TENM3: variants seen among roughly 807,000 people sequenced by gnomAD.
TENM3 encodes the protein teneurin-3.
Under a neutral mutation model 255.1 loss-of-function variants are expected in TENM3, and 63 were observed. The ratio of observed to expected loss-of-function variants is 0.25; its 90% CI spans 0.20 to 0.30. TENM3 has a LOEUF of 0.30. Among genes scored for constraint, TENM3 ranks in the 10% least tolerant of loss-of-function variants. The pLI is 1.00. For synonymous variants in TENM3, 1,306 were observed against 1,322.3 expected, an observed-to-expected ratio of 0.99 and a Z score of 0.27; for missense variants, 2,929 against 3,461.1, an observed-to-expected ratio of 0.85 and a Z score of 3.86.
the TENM3 span, among the ~76,000 whole-genome samples, chr4:181,594,279 G>A: frequency 1.3e-5 from 2 of 151,974 alleles, no homozygotes; most frequent in Non-Finnish European, 2.9e-5. Flanking sequence ...TTGCTAATTA[G>A]CTTTTTATTT....
At position 182,802,534 on chromosome 4, in the gene TENM3, TGACAG is replaced by T; in HGVS notation, c.*2184_*2188del. ...ATTACCATGAAAAGCTTGTGCCACA[TGACAG>T]AAGTGAGATCATAGTCTTAACCTCT... On this transcript the variant is annotated 3_prime_UTR_variant, in exon 28 of 28. Transcript: ENST00000511685. 6.5e-6 allele frequency: 1 copy of T among 152,800 alleles called. No individual in the cohort carries two copies. Among genetic ancestry groups the T allele is most frequent in the East Asian group, 1.9e-4 (1 of 5,196 alleles). 9.5% of individuals were successfully genotyped at this position (152,800 alleles called of 1,614,324 possible). A position where few individuals can be genotyped will look rare whatever the true frequency, so the allele number is the denominator to read the frequency against.
intron 3 of TENM3, among the ~76,000 whole-genome samples, chr4:182,565,419 A>G (rs1374915433): frequency 6.6e-6 from 1 of 152,202 alleles, no homozygotes; most frequent in African/African-American, 2.4e-5. Flanking sequence ...TTTATTGTCA[A>G]GTTTCTTATA....
chr4:182,590,555 A>AAAG (rs1171959961), intron 3 of TENM3, among the ~76,000 whole-genome samples: 4 of 149,216 alleles, frequency 2.7e-5, no homozygotes, highest in African/African-American at 9.7e-5. Flanking sequence ...AAAAAAAAAA[A>AAAG]AAAAAAGAAA....
the TENM3 span, among the ~76,000 whole-genome samples, chr4:181,620,778 TTAAAAA>T: frequency 6.6e-6 from 1 of 152,110 alleles, no homozygotes; most frequent in Non-Finnish European, 1.5e-5. Flanking sequence ...ATTGCAGGAA[TTAAAAA>T]TAAGGAATGT....
intron 1 of TENM3, among the ~76,000 whole-genome samples, chr4:182,159,450 GTGT>G: frequency 1.0e-3 from 1 of 1,000 alleles, no homozygotes. Context: ...GTGTATGAGT[GTGT>G]GTGTGTGTGT....
chr4:181,824,005 A>T, the TENM3 span, among the ~76,000 whole-genome samples: 1 of 152,148 alleles, frequency 6.6e-6, no homozygotes, highest in Non-Finnish European at 1.5e-5. Context: ...TCCTAAAAAG[A>T]TACAGATATA....
the TENM3 span, among the ~76,000 whole-genome samples, chr4:181,541,538 T>C: frequency 6.6e-6 from 1 of 152,324 alleles, no homozygotes; most frequent in East Asian, 1.9e-4. Context: ...GTTTGGCAAT[T>C]CCAACCCCTC....
chr4:181,806,001 A>G, the TENM3 span, among the ~76,000 whole-genome samples: 3 of 152,166 alleles, frequency 2.0e-5, no homozygotes, highest in African/African-American at 7.2e-5. Flanking sequence ...TTTTCAGGTA[A>G]CAGTGAACAT....
the TENM3 span, among the ~76,000 whole-genome samples, chr4:182,076,836 C>A: frequency 1.3e-5 from 2 of 152,192 alleles, no homozygotes; most frequent in African/African-American, 4.8e-5. Context: ...AGCACATAGG[C>A]ACGGCCATGT....
chr4:182,303,310 C>T (rs999693822), intron 1 of TENM3, among the ~76,000 whole-genome samples: 5 of 152,248 alleles, frequency 3.3e-5, no homozygotes, highest in Middle Eastern at 3.4e-3. Flanking sequence ...TGATTTCACA[C>T]GTTGGTTACT....
chr4:181,462,250 G>T, the TENM3 span, among the ~76,000 whole-genome samples: 1 of 152,104 alleles, frequency 6.6e-6, no homozygotes, highest in Non-Finnish European at 1.5e-5. Context: ...TAGTAGTTAG[G>T]GTAATTGCCT....
chr4:181,494,497 G>T, the TENM3 span, among the ~76,000 whole-genome samples: 1 of 151,978 alleles, frequency 6.6e-6, no homozygotes, highest in Admixed American at 6.6e-5. Context: ...TGTTGGCCAG[G>T]CTGGTCTCAA....
At chr4:182,008,452 A>G in the TENM3 span, among the ~76,000 whole-genome samples, 3 of 150,832 alleles carry the variant, frequency 2.0e-5, no homozygotes, top group South Asian at 6.3e-4. Context: ...TTTTTTCTCT[A>G]TTCTTGTCTG....
chr4:181,937,754 G>A, the TENM3 span, among the ~76,000 whole-genome samples: 1 of 152,200 alleles, frequency 6.6e-6, no homozygotes, highest in Non-Finnish European at 1.5e-5. Context: ...GAAAAAATAT[G>A]TGAACTCTGA....
intron 1 of TENM3, among the ~76,000 whole-genome samples, chr4:182,185,557 G>C (rs886718704): frequency 6.6e-6 from 1 of 152,168 alleles, no homozygotes; most frequent in Non-Finnish European, 1.5e-5. Context: ...AATCTTGTTA[G>C]TCTTTTCTGA....
chr4:181,854,893 C>T, the TENM3 span, among the ~76,000 whole-genome samples: 3 of 152,096 alleles, frequency 2.0e-5, no homozygotes, highest in African/African-American at 4.8e-5. Context: ...ACAGAGTACG[C>T]GTTAGCTAGC....
intron 3 of TENM3, among the ~76,000 whole-genome samples, chr4:182,457,113 A>G (rs1247993306): frequency 1.3e-5 from 2 of 149,508 alleles, no homozygotes; most frequent in East Asian, 2.1e-4. Flanking sequence ...TGCACCTGGG[A>G]GGCGGAGGTT....
the TENM3 span, among the ~76,000 whole-genome samples, chr4:182,138,352 G>C: frequency 1.3e-5 from 2 of 152,210 alleles, no homozygotes; most frequent in Non-Finnish European, 1.5e-5. Flanking sequence ...ATATACATTT[G>C]AGTTGAATTT....
chr4:181,665,678 A>G, the TENM3 span, among the ~76,000 whole-genome samples: 2 of 152,106 alleles, frequency 1.3e-5, no homozygotes, highest in African/African-American at 4.8e-5. Flanking sequence ...ATGTACACAT[A>G]TATGTATATA....
Sources: gnomAD v4.1 joint callset for allele counts (sites outside exome capture counted in the v4.1 genomes callset) on GRCh38, gnomAD v4.1.1 for gene constraint, MANE v1.5 for transcripts, NCBI Gene and HGNC (gene_info 2026-07-23, HGNC 2026-07-21) for gene names.